Variants in ATP10B observed in about 807,000 individuals in gnomAD.
ATP10B encodes phospholipid-transporting ATPase VB.
Under a neutral mutation model 141.2 loss-of-function variants are expected in ATP10B, and 122 were observed. The observed-to-expected ratio is 0.86, with a 90% CI of 0.75 to 1.00. The LOEUF (loss-of-function observed/expected upper bound fraction) is 1.00, where lower values mean the gene tolerates loss of function less well. Ranked by LOEUF, ATP10B falls within the 50% of genes least tolerant of loss-of-function variation. The pLI is 0.00. For missense variants in ATP10B, 1,876 were observed against 1,825.3 expected (o/e 1.03, Z -0.51); for synonymous variants, 685 against 692.0 (o/e 0.99, Z 0.16).
chr5:160,743,281 G>T (rs1361212813), intron 2 of ATP10B, among the ~76,000 whole-genome samples: 1 of 152,176 alleles, frequency 6.6e-6, no homozygotes, highest in East Asian at 1.9e-4. Context: ...CTTACACAGG[G>T]TGTGTATCTT....
intron 6 of ATP10B, among the ~76,000 whole-genome samples, chr5:160,682,803 G>T (rs948447147): frequency 1.3e-5 from 2 of 152,100 alleles, no homozygotes; most frequent in Non-Finnish European, 2.9e-5. Context: ...ACTTTGGGAG[G>T]CCGAGGCGGG....
chr5:160,730,460 C>A (rs1005284549), intron 2 of ATP10B, among the ~76,000 whole-genome samples: 1 of 152,036 alleles, frequency 6.6e-6, no homozygotes, highest in Non-Finnish European at 1.5e-5. Context: ...GTGCTTCCCC[C>A]CGACCCCACC....
chr5:160,569,816 A>G, intron 24 of ATP10B, 133 bp from the exon 25 acceptor site: 2 of 699,084 alleles, frequency 2.9e-6, no homozygotes, highest in South Asian at 4.4e-5. Flanking sequence ...AAAAGTGTGC[A>G]GCTTAATCTA....
At chr5:160,733,890 G>A (rs754279032) in intron 2 of ATP10B, among the ~76,000 whole-genome samples, 5 of 151,678 alleles carry the variant, frequency 3.3e-5, no homozygotes, top group Admixed American at 6.6e-5. Flanking sequence ...AAGATCATGA[G>A]GTCAAGAGAT....
At chr5:160,597,052 T>A (rs1004374004) in intron 22 of ATP10B, among the ~76,000 whole-genome samples, 1 of 152,152 alleles carries the variant, frequency 6.6e-6, no homozygotes, top group Admixed American at 6.5e-5. Flanking sequence ...TACTTTCAAG[T>A]TCATATGGAG....
intron 2 of ATP10B, among the ~76,000 whole-genome samples, chr5:160,723,454 T>G (rs1236475285): frequency 6.6e-6 from 1 of 152,190 alleles, no homozygotes; most frequent in East Asian, 1.9e-4. Flanking sequence ...GCATTTTGCT[T>G]GTATTAACTC....
In ATP10B at chr5:160,736,560, G is replaced by A. The variant is rs1242422287; in HGVS notation, c.-330-19526C>T. Among the ~76,000 whole-genome samples the A allele has an allele frequency of 2.6e-5, 4 of 152,030 alleles. No individual in the cohort carries two copies. The East Asian group carries it at 7.7e-4, about 29-fold the overall frequency. On this transcript the variant is annotated intron_variant, in intron 2 of 25. Coordinates refer to ENST00000327245, the MANE Select transcript of ATP10B (RefSeq NM_025153.3). ...AGGAGGATCATGAGGTCAGGAGTTCGCCCAGCCTGACCAATATGGTGAAAC... is the reference window on the plus strand; with the variant it reads ...AGGAGGATCATGAGGTCAGGAGTTCACCCAGCCTGACCAATATGGTGAAAC...
At chr5:160,833,860 C>T (rs988594523) in intron 1 of ATP10B, among the ~76,000 whole-genome samples, 1 of 152,064 alleles carries the variant, frequency 6.6e-6, no homozygotes, top group African/African-American at 2.4e-5. Flanking sequence ...CAAATGTTTT[C>T]ATGCAAAATA....
At chr5:160,589,000 C>T (rs2052459) in intron 24 of ATP10B, among the ~76,000 whole-genome samples, 113,300 of 151,980 alleles carry the variant, frequency 0.75, 42,475 homozygotes, top group East Asian at 0.85. Flanking sequence ...CTCTGAAACA[C>T]GCCTGAACTG....
intron 1 of ATP10B, among the ~76,000 whole-genome samples, chr5:160,815,610 C>T (rs554129720): frequency 2.0e-5 from 3 of 152,080 alleles, no homozygotes; most frequent in Non-Finnish European, 4.4e-5. Flanking sequence ...ATCAACGAGA[C>T]AGAAAGTTAA....
chr5:160,832,902 A>C lies in ATP10B; in HGVS notation c.-576+19039T>G, dbSNP rs542422830. Reference sequence around the variant, plus strand: ...ATGGTCAGGCATGGGCTGGCATGACACATTAGAATCCTGGGCAAATCTAGC... The same window carrying C: ...ATGGTCAGGCATGGGCTGGCATGACCCATTAGAATCCTGGGCAAATCTAGC... On this transcript the variant is annotated intron_variant, in intron 1 of 25. Transcript: ENST00000327245. Among the ~76,000 whole-genome samples the C allele has an allele frequency of 3.9e-5, 6 of 152,240 alleles. No individual in the cohort carries two copies. In the East Asian group the frequency reaches 1.2e-3, roughly 29 times the overall value.
At chr5:160,691,000 T>C (rs1764043415) in intron 3 of ATP10B, among the ~76,000 whole-genome samples, 3 of 152,128 alleles carry the variant, frequency 2.0e-5, no homozygotes, top group African/African-American at 4.8e-5. Context: ...ATGTGGCACA[T>C]ACATAGCATG....
intron 3 of ATP10B, among the ~76,000 whole-genome samples, chr5:160,698,105 T>C (rs1268467550): frequency 6.6e-6 from 1 of 152,156 alleles, no homozygotes; most frequent in African/African-American, 2.4e-5. Flanking sequence ...CATCAAAATA[T>C]CCTACTGCTT....
At chr5:160,672,677 G>C (rs1762786970) in intron 6 of ATP10B, among the ~76,000 whole-genome samples, 1 of 152,234 alleles carries the variant, frequency 6.6e-6, no homozygotes, top group African/African-American at 2.4e-5. Context: ...CCTTTGCTGG[G>C]CTTCTTCACT....
intron 2 of ATP10B, among the ~76,000 whole-genome samples, chr5:160,747,295 A>G (rs1438011788): frequency 6.6e-6 from 1 of 152,100 alleles, no homozygotes; most frequent in Non-Finnish European, 1.5e-5. Flanking sequence ...GTACTTTTTC[A>G]AGCTTCCCAG....
chr5:160,637,025 C>CATCCATCCATCA (rs1561678904), intron 10 of ATP10B, among the ~76,000 whole-genome samples: 2 of 102,828 alleles, frequency 1.9e-5, no homozygotes, highest in Non-Finnish European at 3.7e-5. Flanking sequence ...TCTATCCATC[C>CATCCATCCATCA]ATCCATCCAT....
intron 2 of ATP10B, among the ~76,000 whole-genome samples, chr5:160,753,886 CTCTG>C (rs1180668790): frequency 1.3e-5 from 2 of 152,164 alleles, no homozygotes; most frequent in South Asian, 4.1e-4. Flanking sequence ...AAGACTGAAA[CTCTG>C]TCTGGCTTCT....
intron 1 of ATP10B, among the ~76,000 whole-genome samples, chr5:160,808,625 C>G (rs945771367): frequency 2.0e-4 from 30 of 152,172 alleles, no homozygotes; most frequent in African/African-American, 7.2e-4. Context: ...ATGTTCTGCC[C>G]CAAACTCTTG....
chr5:160,644,441 G>T (rs1235923366), intron 8 of ATP10B, among the ~76,000 whole-genome samples, 197 bp from the exon 9 acceptor site: 1 of 147,202 alleles, frequency 6.8e-6, no homozygotes, highest in African/African-American at 2.5e-5. Context: ...GGAGGCCTGG[G>T]TGGGAGCTAG....
Sources: gnomAD v4.1 joint callset for allele counts (sites outside exome capture counted in the v4.1 genomes callset) on GRCh38, gnomAD v4.1.1 for gene constraint, MANE v1.5 for transcripts, NCBI Gene and HGNC (gene_info 2026-07-23, HGNC 2026-07-21) for gene names.